PRAG1: variants seen among roughly 807,000 people sequenced by gnomAD.
PRAG1 encodes PEAK1 related, kinase-activating pseudokinase 1.
Under a neutral mutation model 95.6 loss-of-function variants are expected in PRAG1, and 110 were observed. That is an observed-to-expected ratio of 1.15 (90% CI 0.99 to 1.35). The LOEUF (loss-of-function observed/expected upper bound fraction) is 1.35. Among genes scored for constraint, PRAG1 ranks in the 40% most tolerant of loss-of-function variants. The pLI is 0.00. For missense variants in PRAG1, 2,554 were observed against 1,864.7 expected (o/e 1.37, Z -6.81); for synonymous variants, 1,052 against 819.4 (o/e 1.28, Z -4.85).
chr8:8,346,775 A>C (rs1799356393), intron 3 of PRAG1, among the ~76,000 whole-genome samples: 1 of 152,166 alleles, frequency 6.6e-6, no homozygotes, highest in Non-Finnish European at 1.5e-5. Flanking sequence ...AGCAATATTC[A>C]AAGTGTGATT....
At chr8:8,336,196 A>G (rs546903460) in intron 4 of PRAG1, among the ~76,000 whole-genome samples, 18 of 152,350 alleles carry the variant, frequency 1.2e-4, no homozygotes, top group African/African-American at 4.3e-4. Flanking sequence ...ATCTCCAGGC[A>G]TTCAGAAATG....
chr8:8,385,894 G>C (rs199871686), intron 1 of PRAG1, among the ~76,000 whole-genome samples: 1 of 151,820 alleles, frequency 6.6e-6, no homozygotes, highest in East Asian at 1.9e-4. Flanking sequence ...CATCCCCCCG[G>C]GTCCTGGTCC....
At chr8:8,361,729 T>C (rs936296159) in intron 3 of PRAG1, among the ~76,000 whole-genome samples, 4 of 152,232 alleles carry the variant, frequency 2.6e-5, no homozygotes, top group African/African-American at 9.6e-5. Context: ...TTTTTAAAAG[T>C]TGACAGACTC....
intron 3 of PRAG1, among the ~76,000 whole-genome samples, chr8:8,349,898 T>A (rs1292776424): frequency 6.6e-6 from 1 of 151,112 alleles, no homozygotes; most frequent in Non-Finnish European, 1.5e-5. Flanking sequence ...TAACACAGGA[T>A]AAACTCATAG....
intron 5 of PRAG1, among the ~76,000 whole-genome samples, chr8:8,325,846 G>C (rs892804200): frequency 6.6e-6 from 1 of 151,488 alleles, no homozygotes; most frequent in African/African-American, 2.4e-5. Flanking sequence ...CCAGGAGATG[G>C]AGGTTGCAGT....
Position 8,319,192 on chromosome 8 carries a change from G to T in PRAG1, c.3183C>A (p.Ser1061Arg). 1 of 1,599,922 alleles carries T rather than the reference G, an allele frequency of 6.3e-7. No individual in the cohort carries two copies. Residue 1061 changes from serine to arginine, a missense_variant, in exon 6 of 6, where the codon AGC (serine) becomes AGA (arginine). Physicochemically the swap from Ser to Arg is moderately radical, Grantham distance 110. Coordinates refer to ENST00000615670, the MANE Select transcript of PRAG1 (RefSeq NM_001080826.3). ...TGGGCGCGTCGGGGGAGCTGAGCAT[G>T]CTGGACGGCACCGAGGCGACGAAGT... ...CGHFVASVPS[S>R]MLSSPDAPKD...
At chr8:8,340,170 A>G (rs1247049147) in intron 3 of PRAG1, among the ~76,000 whole-genome samples, 1 of 152,206 alleles carries the variant, frequency 6.6e-6, no homozygotes, top group East Asian at 1.9e-4. Flanking sequence ...TTTAAATGTG[A>G]ACCAGACTTC....
intron 3 of PRAG1, among the ~76,000 whole-genome samples, chr8:8,344,234 CT>C (rs1214259692): frequency 6.6e-6 from 1 of 152,108 alleles, no homozygotes; most frequent in Non-Finnish European, 1.5e-5. Flanking sequence ...TTGAACGGTG[CT>C]TCCACAAAGG....
chr8:8,381,924 A>G (rs1800689609), intron 1 of PRAG1, 90 bp from the exon 2 acceptor site: 5 of 553,078 alleles, frequency 9.0e-6, no homozygotes, highest in Non-Finnish European at 1.6e-5. Context: ...TTGATCAGGG[A>G]GAAGGAGGAG....
intron 3 of PRAG1, among the ~76,000 whole-genome samples, chr8:8,370,481 G>A (rs904470743): frequency 6.6e-6 from 1 of 152,218 alleles, no homozygotes; most frequent in Admixed American, 6.5e-5. Context: ...TAAATACAGT[G>A]CTTCCTAATA....
intron 3 of PRAG1, among the ~76,000 whole-genome samples, chr8:8,369,261 G>A (rs1051306652): frequency 6.6e-6 from 1 of 151,714 alleles, no homozygotes; most frequent in African/African-American, 2.4e-5. Context: ...TCTGTGCTAA[G>A]GTATGCTGTG....
rs201548316 is a variant in PRAG1, at chr8:8,369,190, C to CTT, written c.2162+7055_2162+7056dup. Among the ~76,000 whole-genome samples the CTT allele has an allele frequency of 6.3e-4, 89 of 141,666 alleles. 1 individual carries two copies. The Middle Eastern group carries it at 0.019, about 30-fold the overall frequency. The allele number at this position is 141,666 out of a possible 152,430, so 92.9% of individuals were successfully genotyped here. A position where few individuals can be genotyped will look rare whatever the true frequency, so the allele number is the denominator to read the frequency against. ...TACATTTGTAGTTCACTCTGGCTTGCTTTTTTTTTTTTTTAAGAAAATTCA... is the reference window on the plus strand; with the variant it reads ...TACATTTGTAGTTCACTCTGGCTTGCTTTTTTTTTTTTTTTTAAGAAAATTCA... On this transcript the variant is annotated intron_variant, in intron 3 of 5. Transcript: ENST00000615670.
At chr8:8,355,153 A>G (rs1240223587) in intron 3 of PRAG1, among the ~76,000 whole-genome samples, 2 of 152,198 alleles carry the variant, frequency 1.3e-5, no homozygotes, top group Non-Finnish European at 2.9e-5. Context: ...ACAAAAATCA[A>G]GAAAACAATC....
intron 4 of PRAG1, among the ~76,000 whole-genome samples, chr8:8,329,895 C>T (rs929804718): frequency 5.9e-5 from 9 of 152,184 alleles, no homozygotes; most frequent in Admixed American, 3.9e-4. Flanking sequence ...CATTAGTGAG[C>T]GACAGCAGGG....
chr8:8,323,356 T>C (rs1246388880), intron 5 of PRAG1, among the ~76,000 whole-genome samples: 3 of 151,138 alleles, frequency 2.0e-5, no homozygotes, highest in Non-Finnish European at 4.4e-5. Context: ...TCTTGCTCTG[T>C]TGCCCAGGCT....
rs1403148898 is a variant in PRAG1 at position 8,328,045 on chromosome 8, T to G, written c.2737A>C (p.Lys913Gln). The change falls in exon 5 of 6, where the codon AAA becomes CAA. Residue 913 changes from lysine (K) to glutamine (Q), a missense_variant. Transcript: ENST00000615670. Reference sequence around the variant, plus strand: ...GAGGATGAGGCGGAGGGGGCCCCTTTGCACTGGAGGCCAGGGCTCCCGCAG... The same window carrying G: ...GAGGATGAGGCGGAGGGGGCCCCTTGGCACTGGAGGCCAGGGCTCCCGCAG... ...GGCGSPGLQC[K>Q]GAPSASSSQL... The G allele has an allele frequency of 1.9e-6, 3 of 1,589,340 alleles. No homozygotes were observed. The highest frequency in any genetic ancestry group is 2.6e-6 in the Non-Finnish European group (3 of 1,167,246).
In PRAG1 at chr8:8,357,443, C is replaced by A. The variant is rs540593112; in HGVS notation, c.2163-17808G>T. Among the ~76,000 whole-genome samples the A allele has an allele frequency of 5.9e-5, 9 of 152,280 alleles. No individual in the cohort carries two copies. In the South Asian group the frequency reaches 1.9e-3, roughly 32 times the overall value. ...GCCAGTAAGCACATAAAAAGATACTCAACATCTTTAATCATTTGGAAAACA... is the reference window on the plus strand; with the variant it reads ...GCCAGTAAGCACATAAAAAGATACTAAACATCTTTAATCATTTGGAAAACA... On this transcript the variant is annotated intron_variant, in intron 3 of 5. Coordinates refer to ENST00000615670, the MANE Select transcript of PRAG1 (RefSeq NM_001080826.3).
At chr8:8,360,252 C>T (rs1373408516) in intron 3 of PRAG1, among the ~76,000 whole-genome samples, 3 of 152,162 alleles carry the variant, frequency 2.0e-5, no homozygotes, top group Non-Finnish European at 4.4e-5. Context: ...CCTGGCCTCC[C>T]ACATCTGTAA....
At chr8:8,334,373 T>C (rs1465691479) in intron 4 of PRAG1, among the ~76,000 whole-genome samples, 1 of 151,522 alleles carries the variant, frequency 6.6e-6, no homozygotes, top group Non-Finnish European at 1.5e-5. Context: ...GAAGTGGAGG[T>C]TGCAATGAGC....
Sources: allele counts gnomAD v4.1 joint callset (sites outside exome capture counted in the v4.1 genomes callset), GRCh38; gene constraint gnomAD v4.1.1; transcripts MANE v1.5; gene names NCBI Gene and HGNC (gene_info 2026-07-23, HGNC 2026-07-21).